The following AUTS2 variants were observed in gnomAD, a reference collection of about 807,000 sequenced individuals.
AUTS2 encodes activator of transcription and developmental regulator AUTS2, also known as autism susceptibility gene 2 protein.
AUTS2 carries 17 observed loss-of-function variants against 112.4 expected under a neutral mutation model. The ratio of observed to expected loss-of-function variants is 0.15; its 90% CI spans 0.10 to 0.23. The LOEUF is 0.23. Ranked by LOEUF, AUTS2 falls within the 10% of genes least tolerant of loss-of-function variation. The probability of loss-of-function intolerance (pLI) is 1.00; values close to 1 mark genes in which losing one functional copy is unlikely to be tolerated. For missense variants in AUTS2, 1,510 were observed against 1,701.6 expected, an observed-to-expected ratio of 0.89 and a Z score of 1.98; for synonymous variants, 751 against 702.7, an observed-to-expected ratio of 1.07 and a Z score of -1.09.
intron 4 of AUTS2, among the ~76,000 whole-genome samples, chr7:70,184,569 G>C (rs1424140707): frequency 2.0e-5 from 3 of 152,206 alleles, no homozygotes. Flanking sequence ...TTTTTTGGAT[G>C]TATGAATGAA....
At chr7:70,414,775 GA>G (rs1194007762) in intron 4 of AUTS2, among the ~76,000 whole-genome samples, 11 of 152,114 alleles carry the variant, frequency 7.2e-5, no homozygotes, top group Non-Finnish European at 1.6e-4. Flanking sequence ...CTATTTAGGG[GA>G]AAAAATGTAT....
At chr7:69,725,972 AT>A (rs1174790652) in intron 1 of AUTS2, among the ~76,000 whole-genome samples, 6 of 124,784 alleles carry the variant, frequency 4.8e-5, no homozygotes, top group East Asian at 4.5e-4. Context: ...AAGTTAGATT[AT>A]TTTTTTTCCC....
chr7:70,065,413 G>T (rs991231689), intron 2 of AUTS2, among the ~76,000 whole-genome samples: 1 of 152,042 alleles, frequency 6.6e-6, no homozygotes, highest in African/African-American at 2.4e-5. Flanking sequence ...TATTATTATT[G>T]CCAGGCACGG....
intron 1 of AUTS2, among the ~76,000 whole-genome samples, chr7:69,735,563 A>G (rs1786992480): frequency 6.6e-6 from 1 of 152,180 alleles, no homozygotes; most frequent in Non-Finnish European, 1.5e-5. Context: ...AATAAAAAGA[A>G]TGGGGCTACT....
chr7:70,671,903 C>T (rs1023742068), intron 5 of AUTS2, among the ~76,000 whole-genome samples: 1 of 152,150 alleles, frequency 6.6e-6, no homozygotes. Context: ...TGGAAGAAGA[C>T]AATCAGGATA....
In AUTS2 at chr7:70,400,699, C is replaced by G. The variant is rs1263951519; in HGVS notation, c.661-35053C>G. Among the ~76,000 whole-genome samples the G allele has an allele frequency of 3.9e-5, 6 of 152,126 alleles. No homozygotes were observed. The South Asian group carries it at 1.2e-3, about 32-fold the overall frequency. On this transcript the variant is annotated intron_variant, in intron 4 of 18. Transcript: ENST00000342771. ...TGGTAAGCAAGGAGAGTCACTGAAA[C>G]TTTTCTTTTTAAGGGAACGCCATGG...
chr7:69,987,223 T>C (rs540964328), intron 2 of AUTS2, among the ~76,000 whole-genome samples: 1 of 152,324 alleles, frequency 6.6e-6, no homozygotes, highest in East Asian at 1.9e-4. Flanking sequence ...TCCATAGTTA[T>C]GTCAAGCTAG....
chr7:70,665,446 T>C (rs528035612), intron 5 of AUTS2, among the ~76,000 whole-genome samples: 14 of 138,524 alleles, frequency 1.0e-4, no homozygotes, highest in African/African-American at 4.2e-4. Flanking sequence ...TATTTATCTA[T>C]TTATCTATTT....
intron 1 of AUTS2, among the ~76,000 whole-genome samples, chr7:69,753,649 G>T (rs1185120701): frequency 6.6e-6 from 1 of 152,174 alleles, no homozygotes; most frequent in Admixed American, 6.5e-5. Flanking sequence ...AAAACTATGT[G>T]GTGTGGTATT....
intron 2 of AUTS2, among the ~76,000 whole-genome samples, chr7:70,097,254 G>A (rs1804252366): frequency 6.6e-6 from 1 of 152,218 alleles, no homozygotes; most frequent in Non-Finnish European, 1.5e-5. Context: ...TGTGCATCCT[G>A]CAGTGCATGT....
At chr7:69,986,766 C>T (rs754134129) in intron 2 of AUTS2, among the ~76,000 whole-genome samples, 3 of 152,172 alleles carry the variant, frequency 2.0e-5, no homozygotes, top group Non-Finnish European at 4.4e-5. Context: ...AATAATGTTC[C>T]CCTCACTTTT....
intron 4 of AUTS2, among the ~76,000 whole-genome samples, chr7:70,329,617 G>C (rs1405798169): frequency 6.8e-6 from 1 of 146,820 alleles, no homozygotes; most frequent in Non-Finnish European, 1.5e-5. Flanking sequence ...TTTTCAATTT[G>C]GTTATTTGTC....
chr7:69,893,333 A>G (rs1584403186), intron 1 of AUTS2, among the ~76,000 whole-genome samples: 1 of 152,218 alleles, frequency 6.6e-6, no homozygotes, highest in Non-Finnish European at 1.5e-5. Flanking sequence ...ATATCTATCT[A>G]GTTACTAGTT....
chr7:70,516,055 A>G (rs1307897119), intron 5 of AUTS2, among the ~76,000 whole-genome samples: 1 of 152,186 alleles, frequency 6.6e-6, no homozygotes, highest in African/African-American at 2.4e-5. Flanking sequence ...CTCCTGATTC[A>G]TTACTGTGTG....
intron 5 of AUTS2, among the ~76,000 whole-genome samples, chr7:70,518,039 T>C (rs1016267996): frequency 2.0e-5 from 3 of 152,210 alleles, no homozygotes; most frequent in African/African-American, 7.2e-5. Context: ...GATAAAATAC[T>C]TGAATCACCA....
chr7:70,044,701 G>A (rs1476783796), intron 2 of AUTS2, among the ~76,000 whole-genome samples: 1 of 152,116 alleles, frequency 6.6e-6, no homozygotes, highest in Non-Finnish European at 1.5e-5. Flanking sequence ...CATAGCCTCC[G>A]CCACCATCAC....
chr7:70,302,853 C>T (rs570428319), intron 4 of AUTS2, among the ~76,000 whole-genome samples: 7 of 151,536 alleles, frequency 4.6e-5, no homozygotes, highest in African/African-American at 1.5e-4. Context: ...TAAGTGGGTG[C>T]GTGCATGCGT....
At chr7:70,295,481 T>A (rs1788892028) in intron 4 of AUTS2, among the ~76,000 whole-genome samples, 1 of 152,208 alleles carries the variant, frequency 6.6e-6, no homozygotes, top group East Asian at 1.9e-4. Context: ...TTATAAATTT[T>A]GATTTTTTGT....
chr7:70,739,344 C>CCT (rs1554474501), intron 6 of AUTS2, among the ~76,000 whole-genome samples: 16 of 135,076 alleles, frequency 1.2e-4, no homozygotes, highest in African/African-American at 4.5e-4. Flanking sequence ...CCTTTTTTTC[C>CCT]TTTTTTTTTT....
Sources: allele counts gnomAD v4.1 joint callset (sites outside exome capture counted in the v4.1 genomes callset), GRCh38; gene constraint gnomAD v4.1.1; transcripts MANE v1.5; gene names NCBI Gene and HGNC (gene_info 2026-07-23, HGNC 2026-07-21).